Variants in GCH1 observed in about 807,000 individuals in gnomAD.
The protein encoded by GCH1 is GTP cyclohydrolase 1.
GCH1 carries 5 observed loss-of-function variants against 25.9 expected under a neutral mutation model. The observed-to-expected ratio is 0.19, with a 90% confidence interval of 0.10 to 0.41. The LOEUF is 0.41. Ranked by LOEUF, GCH1 falls within the 10% of genes least tolerant of loss-of-function variation. The pLI, the probability that GCH1 is intolerant of heterozygous loss-of-function variation, is 1.00. For synonymous variants in GCH1, 159 were observed against 129.6 expected, an observed-to-expected ratio of 1.23 and a Z score of -1.54; for missense variants, 261 against 336.5, an observed-to-expected ratio of 0.78 and a Z score of 1.75.
At chr14:54,880,488 TATATATATACTCC>T (rs1260608121) in intron 1 of GCH1, among the ~76,000 whole-genome samples, 3 of 117,208 alleles carry the variant, frequency 2.6e-5, no homozygotes, top group Non-Finnish European at 4.7e-5. Context: ...ACACTCCATA[TATATATATACTCC>T]ATATATATAT....
chr14:54,844,621 A>G (rs1249928077), intron 5 of GCH1, among the ~76,000 whole-genome samples: 1 of 152,224 alleles, frequency 6.6e-6, no homozygotes, highest in Non-Finnish European at 1.5e-5. Context: ...AATTCAGATA[A>G]TGGTGACCAG....
intron 1 of GCH1, among the ~76,000 whole-genome samples, chr14:54,882,000 T>C (rs971854216): frequency 6.6e-6 from 1 of 152,246 alleles, no homozygotes; most frequent in African/African-American, 2.4e-5. Flanking sequence ...ACGTATAAAG[T>C]TATCTTTACT....
intron 1 of GCH1, among the ~76,000 whole-genome samples, chr14:54,901,662 G>C (rs981153361): frequency 6.6e-6 from 1 of 152,090 alleles, no homozygotes; most frequent in Admixed American, 6.5e-5. Context: ...GATTTCAGCA[G>C]CAAACTCACC....
chr14:54,849,111 C>A (rs1168868960), intron 3 of GCH1, among the ~76,000 whole-genome samples: 1 of 152,234 alleles, frequency 6.6e-6, no homozygotes, highest in East Asian at 1.9e-4. Context: ...TCACTACCAC[C>A]CACAGTGCCT....
intron 2 of GCH1, among the ~76,000 whole-genome samples, chr14:54,860,453 G>A (rs938166637): frequency 1.6e-4 from 24 of 151,244 alleles, no homozygotes; most frequent in African/African-American, 3.9e-4. Flanking sequence ...AGATCCCACC[G>A]CAAAGCCCTG....
Position 54,872,944 on chromosome 14 carries a change from A to G in GCH1, c.344-7508T>C, listed in dbSNP as rs1352575790. Among the ~76,000 whole-genome samples, 4 of 151,272 alleles carry G rather than the reference A, an allele frequency of 2.6e-5. No individual in the cohort carries two copies. In the South Asian group the frequency reaches 8.4e-4, roughly 32 times the overall value. ...CCACTGTCAACATTAGACAGATCAA[A>G]GAGACAGAAAGTTAACAAGGATATC... On this transcript the variant is annotated intron_variant, in intron 1 of 5. Coordinates refer to ENST00000491895, the MANE Select transcript of GCH1 (RefSeq NM_000161.3).
At chr14:54,891,095 A>G (rs960952177) in intron 1 of GCH1, among the ~76,000 whole-genome samples, 2 of 144,374 alleles carry the variant, frequency 1.4e-5, no homozygotes, top group African/African-American at 5.5e-5. Flanking sequence ...GACAATTCAT[A>G]AGGTTTTTTT....
chr14:54,860,538 CT>C (rs869140517), intron 2 of GCH1, among the ~76,000 whole-genome samples: 316 of 134,202 alleles, frequency 2.4e-3, no homozygotes, highest in East Asian at 8.5e-3. Context: ...CACCATCTTC[CT>C]TTTTTTTTTT....
Position 54,867,589 on chromosome 14 carries a change from CAAAAAAAAAAAAA to C in GCH1, c.344-2166_344-2154del, listed in dbSNP as rs1029899399. ...GGCAAGAGAGAACAAGACTCCGTCT[CAAAAAAAAAAAAA>C]AAAAAAAAAAAAGATCTGGCTCCAT... On this transcript the variant is annotated intron_variant, in intron 1 of 5. Coordinates refer to ENST00000491895, the MANE Select transcript of GCH1 (RefSeq NM_000161.3). 9.9e-4 allele frequency among the ~76,000 whole-genome samples: 46 copies of C among 46,648 alleles called. No homozygotes were observed. In the South Asian group the frequency reaches 0.051, roughly 52 times the overall value. The allele number at this position is 46,648 out of a possible 152,430, so 30.6% of individuals were successfully genotyped here. A position where few individuals can be genotyped will look rare whatever the true frequency, so the allele number is the denominator to read the frequency against.
rs138698535 is a variant in GCH1 at position 54,885,322 on chromosome 14, G to A, written c.343+16999C>T. On this transcript the variant is annotated intron_variant, in intron 1 of 5. Coordinates refer to ENST00000491895, the MANE Select transcript of GCH1 (RefSeq NM_000161.3). ...TGACAGTGATTTGTACCTCTTTTCA[G>A]TGAACCAGTCAAGATCCACATTGCT... 2.5e-3 allele frequency: 600 copies of A among 236,752 alleles called. 4 individuals carry two copies. The highest frequency in any genetic ancestry group is 0.013 in the African/African-American group (563 of 43,482). The allele number at this position is 236,752 out of a possible 1,614,324, so 14.7% of individuals were successfully genotyped here.
intron 3 of GCH1, among the ~76,000 whole-genome samples, chr14:54,850,237 G>A (rs1393925239): frequency 1.3e-5 from 2 of 151,536 alleles, no homozygotes; most frequent in Non-Finnish European, 1.5e-5. Flanking sequence ...CTCCCAAAGT[G>A]CTGGGATTAA....
intron 1 of GCH1, chr14:54,877,978 G>C (rs2040187562): frequency 1.3e-5 from 2 of 152,470 alleles, no homozygotes; most frequent in Non-Finnish European, 1.5e-5. Flanking sequence ...CTGAGAACCA[G>C]AGTGCCCCTG....
intron 1 of GCH1, among the ~76,000 whole-genome samples, chr14:54,870,649 C>A (rs968135250): frequency 6.6e-6 from 1 of 152,208 alleles, no homozygotes; most frequent in African/African-American, 2.4e-5. Context: ...CACTCCCACC[C>A]TAATACTGCA....
At chr14:54,863,860 T>TTTGTTTGTTTGA (rs1373572323) in intron 2 of GCH1, among the ~76,000 whole-genome samples, 1 of 152,068 alleles carries the variant, frequency 6.6e-6, no homozygotes, top group African/African-American at 2.4e-5. Flanking sequence ...TGTTTGTTTG[T>TTTGTTTGTTTGA]TTGTTTGTTT....
chr14:54,859,834 G>A, intron 2 of GCH1, 98 bp from the exon 3 acceptor site: 1 of 740,576 alleles, frequency 1.4e-6, no homozygotes, highest in Non-Finnish European at 2.5e-6. Context: ...ACACTTTTAT[G>A]TAATTTATCA....
At chr14:54,874,641 A>G (rs1207617971) in intron 1 of GCH1, among the ~76,000 whole-genome samples, 1 of 152,256 alleles carries the variant, frequency 6.6e-6, no homozygotes, top group Admixed American at 6.5e-5. Flanking sequence ...CAACTTCAGC[A>G]AAGTCTCAGG....
chr14:54,897,795 C>A (rs2040509033), intron 1 of GCH1, among the ~76,000 whole-genome samples: 1 of 152,204 alleles, frequency 6.6e-6, no homozygotes, highest in Non-Finnish European at 1.5e-5. Context: ...GAAATGTTTA[C>A]TTGAAAACTG....
chr14:54,843,063 G>T lies in GCH1; in HGVS notation c.*954C>A. On this transcript the variant is annotated 3_prime_UTR_variant, in exon 6 of 6. Coordinates refer to ENST00000491895, the MANE Select transcript of GCH1 (RefSeq NM_000161.3). ...GCTATGGTTCTGCAGACCTGAAAATGATGGGCACTCTCAAATGTTTCTGGA... is the reference window on the plus strand; with the variant it reads ...GCTATGGTTCTGCAGACCTGAAAATTATGGGCACTCTCAAATGTTTCTGGA... The T allele has an allele frequency of 8.7e-7, 1 of 1,154,976 alleles. No homozygotes were observed. Among genetic ancestry groups the T allele is most frequent in the Non-Finnish European group, 1.3e-6 (1 of 762,564 alleles). 71.5% of individuals were successfully genotyped at this position (1,154,976 alleles called of 1,614,324 possible). A position where few individuals can be genotyped will look rare whatever the true frequency, so the allele number is the denominator to read the frequency against.
chr14:54,902,118 G>A (rs2040574942), intron 1 of GCH1, among the ~76,000 whole-genome samples: 1 of 152,182 alleles, frequency 6.6e-6, no homozygotes, highest in East Asian at 1.9e-4. Context: ...GGGCTGAGAG[G>A]TCGCTGCCAC....
Sources: allele counts gnomAD v4.1 joint callset (sites outside exome capture counted in the v4.1 genomes callset), GRCh38; gene constraint gnomAD v4.1.1; transcripts MANE v1.5; gene names NCBI Gene and HGNC (gene_info 2026-07-23, HGNC 2026-07-21).